Variants in GABRB3 observed in about 807,000 individuals in gnomAD.
The protein encoded by GABRB3 is gamma-aminobutyric acid receptor subunit beta-3.
Under a neutral mutation model 52.1 loss-of-function variants are expected in GABRB3, and 14 were observed. The observed-to-expected ratio is 0.27, with a 90% CI of 0.18 to 0.42. The LOEUF (loss-of-function observed/expected upper bound fraction) is 0.42. Ranked by LOEUF, GABRB3 falls within the 10% of genes least tolerant of loss-of-function variation. The pLI is 1.00. For synonymous variants in GABRB3, 260 were observed against 232.3 expected (o/e 1.12, Z -1.08); for missense variants, 307 against 609.1 (o/e 0.50, Z 5.22).
intron 4 of GABRB3, among the ~76,000 whole-genome samples, chr15:26,591,474 A>C (rs1489397945): frequency 6.6e-6 from 1 of 152,188 alleles, no homozygotes; most frequent in African/African-American, 2.4e-5. Flanking sequence ...CATCAGGCAA[A>C]TGAGACAGGC....
chr15:26,733,349 G>C (rs747991136), intron 3 of GABRB3, among the ~76,000 whole-genome samples: 4 of 151,950 alleles, frequency 2.6e-5, no homozygotes, highest in African/African-American at 9.7e-5. Context: ...AAAATTACCT[G>C]TATTTCTATA....
At chr15:26,555,310 A>C (rs544833155) in intron 8 of GABRB3, among the ~76,000 whole-genome samples, 13 of 152,276 alleles carry the variant, frequency 8.5e-5, no homozygotes, top group African/African-American at 3.1e-4. Flanking sequence ...GGACAATGGA[A>C]GGGGAATGGG....
intron 3 of GABRB3, among the ~76,000 whole-genome samples, chr15:26,671,260 T>C (rs1164600859): frequency 2.6e-5 from 4 of 152,208 alleles, no homozygotes; most frequent in African/African-American, 9.6e-5. Context: ...ATAAAATAAA[T>C]TAGGAGAAAC....
At chr15:26,773,606 C>G (rs200468118), upstream of GABRB3, 9 of 1,516,440 alleles carry the variant, frequency 5.9e-6, no homozygotes, top group Admixed American at 5.9e-5. Context: ...CGCCGCCTCC[C>G]GACGGTGCCT....
chr15:26,746,700 C>T (rs959796302), intron 3 of GABRB3, among the ~76,000 whole-genome samples: 4 of 151,668 alleles, frequency 2.6e-5, no homozygotes, highest in African/African-American at 9.7e-5. Context: ...TAAAAATCAG[C>T]TGGGTGGCCA....
At chr15:26,725,379 A>G (rs1293193319) in intron 3 of GABRB3, among the ~76,000 whole-genome samples, 1 of 152,020 alleles carries the variant, frequency 6.6e-6, no homozygotes, top group Non-Finnish European at 1.5e-5. Context: ...GAGGCACATG[A>G]TCTAAGAAGG....
intron 3 of GABRB3, among the ~76,000 whole-genome samples, chr15:26,682,361 C>T (rs988383264): frequency 1.3e-5 from 2 of 152,164 alleles, no homozygotes; most frequent in East Asian, 1.9e-4. Context: ...TTTCCATAAG[C>T]TTCCCCATTA....
intron 3 of GABRB3, among the ~76,000 whole-genome samples, chr15:26,742,265 G>C (rs527524353): frequency 2.2e-4 from 34 of 151,824 alleles, no homozygotes; most frequent in Non-Finnish European, 4.6e-4. Context: ...TTTGAAGCCC[G>C]GGAGTCCTTT....
At chr15:26,628,849 C>T (rs1892813910) in intron 3 of GABRB3, 2 of 991,358 alleles carry the variant, frequency 2.0e-6, no homozygotes, top group Admixed American at 2.1e-5. Flanking sequence ...CAGCAGAGGC[C>T]TGAAACGGCA....
At chr15:26,564,141 G>A (rs1005062059) in intron 7 of GABRB3, among the ~76,000 whole-genome samples, 1 of 152,042 alleles carries the variant, frequency 6.6e-6, no homozygotes, top group African/African-American at 2.4e-5. Context: ...GCTAATTGGA[G>A]CATTTCAGAT....
At chr15:26,586,397 A>AACACACACACACAC (rs56386894) in intron 4 of GABRB3, among the ~76,000 whole-genome samples, 11,749 of 137,946 alleles carry the variant, frequency 0.085, 907 homozygotes, top group African/African-American at 0.15. Flanking sequence ...AACCACCCCT[A>AACACACACACACAC]ACACACACAC....
intron 4 of GABRB3, among the ~76,000 whole-genome samples, chr15:26,592,242 T>A (rs1891234990): frequency 6.6e-6 from 1 of 152,150 alleles, no homozygotes; most frequent in African/African-American, 2.4e-5. Context: ...TAAGTGACAA[T>A]TAGGCGTAAC....
At chr15:26,660,623 A>G (rs1887512238) in intron 3 of GABRB3, among the ~76,000 whole-genome samples, 1 of 152,128 alleles carries the variant, frequency 6.6e-6, no homozygotes, top group Non-Finnish European at 1.5e-5. Context: ...ATTCTGTGGG[A>G]TATTTTGGGG....
chr15:26,664,857 C>T (rs975861492), intron 3 of GABRB3, among the ~76,000 whole-genome samples: 1 of 151,758 alleles, frequency 6.6e-6, no homozygotes, highest in African/African-American at 2.4e-5. Context: ...TGTAACACCA[C>T]GCCCAGCTAA....
At chr15:26,588,937 T>C (rs1222145651) in intron 4 of GABRB3, among the ~76,000 whole-genome samples, 2 of 152,186 alleles carry the variant, frequency 1.3e-5, no homozygotes, top group African/African-American at 4.8e-5. Flanking sequence ...ATGTAAGAAA[T>C]AAACTTGAAG....
chr15:26,606,511 A>G (rs915856146), intron 4 of GABRB3, among the ~76,000 whole-genome samples: 1 of 152,120 alleles, frequency 6.6e-6, no homozygotes, highest in Non-Finnish European at 1.5e-5. Context: ...CTCCAACACA[A>G]TAAAGCTATA....
chr15:26,601,418 A>G (rs1485533487), intron 4 of GABRB3, among the ~76,000 whole-genome samples: 1 of 152,130 alleles, frequency 6.6e-6, no homozygotes, highest in Non-Finnish European at 1.5e-5. Flanking sequence ...TCAAAGAAAA[A>G]AAAAAAATTG....
At chr15:26,602,315 G>A (rs1891619051) in intron 4 of GABRB3, among the ~76,000 whole-genome samples, 1 of 152,076 alleles carries the variant, frequency 6.6e-6, no homozygotes, top group Non-Finnish European at 1.5e-5. Flanking sequence ...AATCACTAAA[G>A]ACTTCAACAA....
chr15:26,749,085 T>C (rs1367467234), intron 3 of GABRB3, among the ~76,000 whole-genome samples: 1 of 152,134 alleles, frequency 6.6e-6, no homozygotes, highest in Non-Finnish European at 1.5e-5. Context: ...TGGGTTTGTT[T>C]TGATCTACCT....
Sources: allele counts gnomAD v4.1 joint callset (sites outside exome capture counted in the v4.1 genomes callset), GRCh38; gene constraint gnomAD v4.1.1; transcripts MANE v1.5; gene names NCBI Gene and HGNC (gene_info 2026-07-23, HGNC 2026-07-21).